The following GALNT7 variants were observed in gnomAD, a reference collection of about 807,000 sequenced individuals.
The protein encoded by GALNT7 is N-acetylgalactosaminyltransferase 7.
Under a neutral mutation model 82.1 loss-of-function variants are expected in GALNT7, and 60 were observed. That is an observed-to-expected ratio of 0.73 (90% CI 0.59 to 0.91). The LOEUF (loss-of-function observed/expected upper bound fraction) is 0.91. GALNT7 is among the 40% of genes least tolerant of loss of function. The pLI is 0.00. For synonymous variants in GALNT7, 243 were observed against 275.1 expected (o/e 0.88, Z 1.15); for missense variants, 660 against 804.2 (o/e 0.82, Z 2.17).
Position 173,188,594 on chromosome 4 carries a change from T to C in GALNT7, c.126+19633T>C, listed in dbSNP as rs187011304. Among the ~76,000 whole-genome samples, 311 of 152,348 alleles carry C rather than the reference T, an allele frequency of 2.0e-3. 1 individual carries two copies. Among genetic ancestry groups the C allele is most frequent in the African/African-American group, 7.2e-3 (298 of 41,580 alleles). ...TCCAGTTTTCTTTAAAGAACTTTAG[T>C]GTCCTGAGAGAAGAGAAAGCGCTGT... On this transcript the variant is annotated intron_variant, in intron 1 of 11. Transcript: ENST00000265000.
intron 1 of GALNT7, among the ~76,000 whole-genome samples, chr4:173,191,227 T>TGG (rs147983325): frequency 3.7e-4 from 55 of 148,460 alleles, no homozygotes; most frequent in African/African-American, 1.3e-3. Context: ...GGGGATGGGA[T>TGG]GGGGGGGGTA....
intron 8 of GALNT7, among the ~76,000 whole-genome samples, chr4:173,307,554 G>C (rs1391108089): frequency 2.0e-5 from 3 of 152,210 alleles, no homozygotes; most frequent in African/African-American, 7.2e-5. Flanking sequence ...AGATGCTTGT[G>C]AAGTAGCTTT....
intron 8 of GALNT7, among the ~76,000 whole-genome samples, chr4:173,308,081 G>A (rs1479106918): frequency 2.0e-5 from 3 of 152,202 alleles, no homozygotes; most frequent in African/African-American, 7.2e-5. Flanking sequence ...CCTCAGGTAT[G>A]TAGACCTCAC....
intron 2 of GALNT7, among the ~76,000 whole-genome samples, chr4:173,278,149 C>T (rs750939915): frequency 1.3e-5 from 2 of 152,168 alleles, no homozygotes; most frequent in Non-Finnish European, 2.9e-5. Context: ...TCACTAGGTA[C>T]CAGCATGGGG....
At chr4:173,189,873 A>G (rs899217859) in intron 1 of GALNT7, among the ~76,000 whole-genome samples, 1 of 152,240 alleles carries the variant, frequency 6.6e-6, no homozygotes, top group Non-Finnish European at 1.5e-5. Flanking sequence ...AGGCTGAACA[A>G]TAGATTCAAC....
intron 2 of GALNT7, among the ~76,000 whole-genome samples, chr4:173,261,828 T>A (rs1020038105): frequency 2.6e-5 from 4 of 151,868 alleles, no homozygotes; most frequent in African/African-American, 9.7e-5. Context: ...CAAAAAAAAT[T>A]TAAAAAATAA....
chr4:173,170,685 G>A (rs1391208034), intron 1 of GALNT7, among the ~76,000 whole-genome samples: 1 of 152,122 alleles, frequency 6.6e-6, no homozygotes, highest in Non-Finnish European at 1.5e-5. Flanking sequence ...ACTGAATATT[G>A]CAATTGAGGA....
chr4:173,314,841 C>A (rs1454686041), intron 9 of GALNT7, among the ~76,000 whole-genome samples: 2 of 152,326 alleles, frequency 1.3e-5, no homozygotes, highest in African/African-American at 4.8e-5. Context: ...GTACACTAAA[C>A]CTGCCATGAA....
intron 2 of GALNT7, among the ~76,000 whole-genome samples, chr4:173,264,107 A>T (rs1735385923): frequency 6.6e-6 from 1 of 152,190 alleles, no homozygotes; most frequent in Non-Finnish European, 1.5e-5. Context: ...TACCAACCTG[A>T]GGGCATATTT....
intron 1 of GALNT7, among the ~76,000 whole-genome samples, chr4:173,187,648 A>G (rs1457157202): frequency 6.6e-6 from 1 of 152,226 alleles, no homozygotes; most frequent in Non-Finnish European, 1.5e-5. Context: ...CTTTACCCCA[A>G]CATAGTTCAT....
chr4:173,210,640 C>T (rs1733250110), intron 1 of GALNT7, among the ~76,000 whole-genome samples: 1 of 152,004 alleles, frequency 6.6e-6, no homozygotes, highest in Non-Finnish European at 1.5e-5. Context: ...ACCACGTTGC[C>T]CAAGCTGGTC....
chr4:173,269,669 G>A (rs894237883), intron 2 of GALNT7, among the ~76,000 whole-genome samples: 1 of 152,046 alleles, frequency 6.6e-6, no homozygotes, highest in African/African-American at 2.4e-5. Context: ...TAATATCCTG[G>A]TAACTAGCTT....
At chr4:173,237,745 G>A (rs1734281349) in intron 1 of GALNT7, among the ~76,000 whole-genome samples, 2 of 138,564 alleles carry the variant, frequency 1.4e-5, no homozygotes, top group Admixed American at 1.6e-4. Flanking sequence ...GCCTAAATAA[G>A]TACTTCCCTG....
intron 1 of GALNT7, among the ~76,000 whole-genome samples, chr4:173,193,364 A>G (rs1409831811): frequency 1.3e-5 from 2 of 152,166 alleles, no homozygotes; most frequent in Non-Finnish European, 2.9e-5. Context: ...GGAATTTACT[A>G]TTATGGAAAA....
intron 1 of GALNT7, among the ~76,000 whole-genome samples, chr4:173,185,929 A>G (rs985459564): frequency 1.3e-5 from 2 of 152,200 alleles, no homozygotes; most frequent in Admixed American, 1.3e-4. Context: ...ATCCTTAATC[A>G]ATTTGAAAGA....
chr4:173,258,936 C>T lies in GALNT7; in HGVS notation c.587+10496C>T, dbSNP rs115558754. ...CTCCTAAGACAGGGTTTCACAATCT[C>T]GGCACTTGACATTTGGGCCAGATAA... On this transcript the variant is annotated intron_variant, in intron 2 of 11. Coordinates refer to ENST00000265000, the MANE Select transcript of GALNT7 (RefSeq NM_017423.3). 7.5e-3 allele frequency among the ~76,000 whole-genome samples: 1,150 copies of T among 152,336 alleles called. 12 individuals carry two copies. Among genetic ancestry groups the T allele is most frequent in the South Asian group, 0.031 (149 of 4,828 alleles).
intron 1 of GALNT7, among the ~76,000 whole-genome samples, chr4:173,239,428 T>TA (rs1377427018): frequency 6.6e-6 from 1 of 152,170 alleles, no homozygotes; most frequent in Non-Finnish European, 1.5e-5. Flanking sequence ...AGATAAATAA[T>TA]ACACAGTATC....
At chr4:173,266,310 C>T (rs948445505) in intron 2 of GALNT7, among the ~76,000 whole-genome samples, 4 of 152,078 alleles carry the variant, frequency 2.6e-5, no homozygotes, top group African/African-American at 7.2e-5. Context: ...TGAAGGGGGC[C>T]AGAGGGGTTC....
At position 173,302,254 on chromosome 4, in the gene GALNT7, A is replaced by T; in HGVS notation, c.1266+90A>T. On this transcript the variant is annotated intron_variant, in intron 7 of 11. Coordinates refer to ENST00000265000, the MANE Select transcript of GALNT7 (RefSeq NM_017423.3). This position sits in a 1 kb window ranked among gnomAD's most constrained non-coding sequence, Gnocchi z 4.2. ...AAGCTAGTTTTTTGTGGGGGAAAAA[A>T]GCCCACAATTATATCATGCATTTCT... The T allele has an allele frequency of 1.3e-6, 1 of 753,780 alleles. No individual in the cohort carries two copies. The highest frequency in any genetic ancestry group is 2.4e-6 in the Non-Finnish European group (1 of 415,180). The allele number at this position is 753,780 out of a possible 1,614,324, so 46.7% of individuals were successfully genotyped here. A position where few individuals can be genotyped will look rare whatever the true frequency, so the allele number is the denominator to read the frequency against.
Sources: allele counts gnomAD v4.1 joint callset (sites outside exome capture counted in the v4.1 genomes callset), GRCh38; gene constraint gnomAD v4.1.1; non-coding constraint Gnocchi (gnomAD v3.1); transcripts MANE v1.5; gene names NCBI Gene and HGNC (gene_info 2026-07-23, HGNC 2026-07-21).